The following RBFOX1 variants were observed in gnomAD, a reference collection of about 807,000 sequenced individuals.
The protein encoded by RBFOX1 is RNA binding fox-1 homolog 1.
RBFOX1 carries 8 observed loss-of-function variants against 57.7 expected under a neutral mutation model. The observed-to-expected ratio is 0.14, with a 90% CI of 0.08 to 0.25. The LOEUF is 0.25. Ranked by LOEUF, RBFOX1 falls within the 10% of genes least tolerant of loss-of-function variation. The pLI is 1.00. For synonymous variants in RBFOX1, 326 were observed against 222.4 expected (o/e 1.47, Z -4.15); for missense variants, 611 against 548.5 (o/e 1.11, Z -1.14).
At chr16:6,890,996 A>C (rs1326730974) in intron 3 of RBFOX1, among the ~76,000 whole-genome samples, 2 of 152,056 alleles carry the variant, frequency 1.3e-5, no homozygotes, top group African/African-American at 4.8e-5. Flanking sequence ...TGTGTCTCAG[A>C]CCCTTCAACA....
At chr16:7,405,125 A>G (rs979199251) in intron 4 of RBFOX1, among the ~76,000 whole-genome samples, 1 of 152,218 alleles carries the variant, frequency 6.6e-6, no homozygotes, top group Non-Finnish European at 1.5e-5. Context: ...GGCCCATCCT[A>G]GAGAAAAATC....
chr16:5,249,718 C>T (rs1420339610), intron 1 of RBFOX1, among the ~76,000 whole-genome samples: 1 of 152,302 alleles, frequency 6.6e-6, no homozygotes, highest in African/African-American at 2.4e-5. Context: ...CCTGTATTCC[C>T]AGCACTTTTG....
At chr16:7,047,047 CTTT>C (rs57082046) in intron 3 of RBFOX1, among the ~76,000 whole-genome samples, 21 of 124,398 alleles carry the variant, frequency 1.7e-4, no homozygotes, top group Admixed American at 2.4e-4. Context: ...ATGCAATTTC[CTTT>C]TTTTTTTTTT....
At chr16:5,820,693 A>T (rs965195004) in intron 3 of RBFOX1, among the ~76,000 whole-genome samples, 1 of 152,060 alleles carries the variant, frequency 6.6e-6, no homozygotes, top group East Asian at 1.9e-4. Context: ...GTTACCCTGA[A>T]TTGTTGGGAC....
chr16:5,894,600 C>T (rs1253555723), intron 4 of RBFOX1, among the ~76,000 whole-genome samples: 4 of 151,996 alleles, frequency 2.6e-5, no homozygotes, highest in Admixed American at 6.6e-5. Context: ...AAGGAGTAGA[C>T]AATTAAGAAC....
chr16:7,260,361 C>T (rs377561514), intron 4 of RBFOX1, among the ~76,000 whole-genome samples: 2 of 152,040 alleles, frequency 1.3e-5, no homozygotes, highest in Admixed American at 1.3e-4. Flanking sequence ...TATTAAACGC[C>T]GCTCTTAAAA....
chr16:6,489,082 A>G (rs2095570181), intron 2 of RBFOX1, among the ~76,000 whole-genome samples: 5 of 152,160 alleles, frequency 3.3e-5, no homozygotes, highest in Admixed American at 2.0e-4. Flanking sequence ...TAAATATGGC[A>G]TGGGTCGTTG....
chr16:5,705,213 C>T (rs1003748735), intron 3 of RBFOX1, among the ~76,000 whole-genome samples: 3 of 152,188 alleles, frequency 2.0e-5, no homozygotes, highest in Non-Finnish European at 4.4e-5. Context: ...TTCTTTCCAT[C>T]AGCACCAAAA....
intron 1 of RBFOX1, among the ~76,000 whole-genome samples, chr16:6,027,472 G>T (rs931754469): frequency 6.6e-6 from 1 of 152,130 alleles, no homozygotes; most frequent in African/African-American, 2.4e-5. Flanking sequence ...TGAGATCCCA[G>T]CTCCATCACT....
intron 4 of RBFOX1, among the ~76,000 whole-genome samples, chr16:7,370,176 C>A (rs981907300): frequency 6.6e-6 from 1 of 152,188 alleles, no homozygotes; most frequent in Non-Finnish European, 1.5e-5. Context: ...AGCACCCCTT[C>A]CCTCATTATG....
chr16:6,466,344 C>T (rs2095050337), intron 2 of RBFOX1, among the ~76,000 whole-genome samples: 1 of 151,824 alleles, frequency 6.6e-6, no homozygotes, highest in South Asian at 2.1e-4. Context: ...TAAATGCTTA[C>T]TATATTCCAG....
At chr16:6,748,067 A>G (rs944801213) in intron 3 of RBFOX1, among the ~76,000 whole-genome samples, 1 of 152,070 alleles carries the variant, frequency 6.6e-6, no homozygotes, top group African/African-American at 2.4e-5. Flanking sequence ...CATTTTCCTG[A>G]TACTTTTTTT....
At chr16:6,042,635 G>A (rs1294265697) in intron 1 of RBFOX1, among the ~76,000 whole-genome samples, 2 of 152,078 alleles carry the variant, frequency 1.3e-5, no homozygotes, top group African/African-American at 4.8e-5. Flanking sequence ...GTTCTGTGCC[G>A]ATATGAGTGA....
intron 4 of RBFOX1, among the ~76,000 whole-genome samples, chr16:7,354,181 G>T (rs904839574): frequency 1.3e-5 from 2 of 152,072 alleles, no homozygotes; most frequent in East Asian, 3.9e-4. Context: ...ACATTGGTCA[G>T]ACTGGTCTCA....
intron 3 of RBFOX1, among the ~76,000 whole-genome samples, chr16:6,939,401 G>GTGTGTA (rs1555651075): frequency 6.6e-6 from 1 of 150,572 alleles, no homozygotes; most frequent in African/African-American, 2.4e-5. Context: ...GTGTGTGTGT[G>GTGTGTA]TATATATATA....
At chr16:6,722,640 T>C (rs1372349131) in intron 3 of RBFOX1, among the ~76,000 whole-genome samples, 3 of 152,220 alleles carry the variant, frequency 2.0e-5, no homozygotes, top group Non-Finnish European at 4.4e-5. Context: ...CTTGAAAATA[T>C]CCAACTGGAA....
At chr16:6,716,311 C>T (rs997732637) in intron 3 of RBFOX1, among the ~76,000 whole-genome samples, 6 of 152,184 alleles carry the variant, frequency 3.9e-5, no homozygotes, top group African/African-American at 1.4e-4. Flanking sequence ...CCGATCCCTT[C>T]TGTGGGGTAT....
intron 3 of RBFOX1, among the ~76,000 whole-genome samples, chr16:5,689,454 A>G (rs776055933): frequency 2.6e-5 from 4 of 152,274 alleles, no homozygotes; most frequent in South Asian, 2.1e-4. Flanking sequence ...GGAGGATAGG[A>G]CTAGTTGCCT....
intron 7 of RBFOX1, among the ~76,000 whole-genome samples, chr16:7,589,519 G>C (rs1460562607): frequency 1.3e-5 from 2 of 151,540 alleles, no homozygotes; most frequent in Non-Finnish European, 2.9e-5. Context: ...TATTCTTTTG[G>C]TTTAGGAAAC....
Sources: gnomAD v4.1 joint callset for allele counts (sites outside exome capture counted in the v4.1 genomes callset) on GRCh38, gnomAD v4.1.1 for gene constraint, MANE v1.5 for transcripts, NCBI Gene and HGNC (gene_info 2026-07-23, HGNC 2026-07-21) for gene names.